Variants in NAA15 observed in about 807,000 individuals in gnomAD.
NAA15 encodes N-terminal acetyltransferase.
A neutral mutation model predicts 114.0 loss-of-function variants in NAA15; 34 were observed. The observed-to-expected ratio is 0.30, with a 90% confidence interval of 0.23 to 0.40. NAA15 has a LOEUF of 0.40. Ranked by LOEUF, NAA15 falls within the 10% of genes least tolerant of loss-of-function variation. The pLI is 1.00. For synonymous variants in NAA15, 340 were observed against 338.0 expected, an observed-to-expected ratio of 1.01 and a Z score of -0.06; for missense variants, 658 against 1,004.5, an observed-to-expected ratio of 0.66 and a Z score of 4.66.
intron 4 of NAA15, among the ~76,000 whole-genome samples, chr4:139,341,496 A>C (rs896722537): frequency 7.1e-6 from 1 of 141,466 alleles, no homozygotes; most frequent in African/African-American, 2.6e-5. Flanking sequence ...CAGGAGGCTG[A>C]GGCAGGAGAA....
At position 139,301,671 on chromosome 4, in the gene NAA15, A is replaced by G. The variant is rs1579071913; in HGVS notation, c.-107A>G. 3 of 1,311,408 alleles carry G rather than the reference A, an allele frequency of 2.3e-6. No homozygotes were observed. Among genetic ancestry groups the G allele is most frequent in the Non-Finnish European group, 3.1e-6 (3 of 953,662 alleles). 81.2% of individuals were successfully genotyped at this position (1,311,408 alleles called of 1,614,324 possible). On this transcript the variant is annotated 5_prime_UTR_variant, in exon 1 of 20. Transcript: ENST00000296543. ...ACCCGAGGCCTGGTGGTGGCGGCGG[A>G]TCGAGATATTCAAGGCTGAAGCAGC...
At chr4:139,372,155 A>G (rs899544128) in intron 15 of NAA15, among the ~76,000 whole-genome samples, 5 of 152,100 alleles carry the variant, frequency 3.3e-5, no homozygotes, top group Non-Finnish European at 7.4e-5. Context: ...TGACCTCATG[A>G]TCCTCCCGCC....
intron 1 of NAA15, among the ~76,000 whole-genome samples, chr4:139,319,607 G>T (rs958586435): frequency 6.6e-6 from 1 of 151,610 alleles, no homozygotes; most frequent in Non-Finnish European, 1.5e-5. Context: ...GGAGAATTGT[G>T]TATTTTTAGT....
chr4:139,348,702 G>T (rs997827433), intron 6 of NAA15, among the ~76,000 whole-genome samples: 1 of 152,146 alleles, frequency 6.6e-6, no homozygotes, highest in African/African-American at 2.4e-5. Flanking sequence ...TCTTCATCTG[G>T]CTTGTTTCCT....
rs542388720 is a variant in NAA15, at chr4:139,339,760, A to AAAC, written c.245-1134_245-1132dup. 3.1e-4 allele frequency among the ~76,000 whole-genome samples: 47 copies of AAAC among 151,992 alleles called. 1 individual carries two copies. Among genetic ancestry groups the AAAC allele is most frequent in the East Asian group, 1.2e-3 (6 of 5,176 alleles). On this transcript the variant is annotated intron_variant, in intron 3 of 19. Transcript: ENST00000296543. ...GCGAGACTCCATCTCAAAAACAAAC[A>AAAC]AACAACAACAACAACAACAAAAAAC...
At chr4:139,332,365 G>A (rs1454028811) in intron 1 of NAA15, among the ~76,000 whole-genome samples, 1 of 150,946 alleles carries the variant, frequency 6.6e-6, no homozygotes, top group Non-Finnish European at 1.5e-5. Flanking sequence ...TTCTGACCTC[G>A]TGATCTGCCC....
At chr4:139,309,820 T>TTCAGAAAAGCAGAC (rs1369903475) in intron 1 of NAA15, among the ~76,000 whole-genome samples, 1 of 152,192 alleles carries the variant, frequency 6.6e-6, no homozygotes, top group Non-Finnish European at 1.5e-5. Flanking sequence ...ACACTATATT[T>TTCAGAAAAGCAGAC]TCAGAAAAGC....
In NAA15 at chr4:139,325,745, C is replaced by G. The variant is rs373234493; in HGVS notation, c.55-8429C>G. On this transcript the variant is annotated intron_variant, in intron 1 of 19. Transcript: ENST00000296543. The stretch of plus-strand genomic sequence containing the variant: ...CTCACTGCAGCCTTGGACTCCTGGG[C>G]TCAAGCCGTCCTCCCATCTCAGGTT... 1.0e-3 allele frequency among the ~76,000 whole-genome samples: 158 copies of G among 152,314 alleles called. 4 individuals carry two copies. In the South Asian group the frequency reaches 0.032, roughly 31 times the overall value.
At chr4:139,324,784 A>G (rs971926693) in intron 1 of NAA15, among the ~76,000 whole-genome samples, 2 of 152,088 alleles carry the variant, frequency 1.3e-5, no homozygotes, top group Non-Finnish European at 2.9e-5. Flanking sequence ...TTTCCTTTCT[A>G]TTCTCCTTTG....
At chr4:139,371,741 A>T (rs904045470) in intron 15 of NAA15, among the ~76,000 whole-genome samples, 5 of 152,138 alleles carry the variant, frequency 3.3e-5, no homozygotes, top group African/African-American at 1.2e-4. Context: ...CATAGAACTT[A>T]AACTTTAGAC....
At position 139,388,479 on chromosome 4, in the gene NAA15, T is replaced by A. The variant is rs2111014528; in HGVS notation, c.*395T>A. ...ACTATATCTCAGACAGCATAAATGC[T>A]GTTTTAGCACTGGATTCTTTCACTG... On this transcript the variant is annotated 3_prime_UTR_variant, in exon 20 of 20. Transcript: ENST00000296543. The A allele has an allele frequency of 6.0e-6, 1 of 165,454 alleles. No homozygotes were observed. The highest frequency in any genetic ancestry group is 5.9e-5 in the Admixed American group (1 of 16,980). The allele number at this position is 165,454 out of a possible 1,614,324, so 10.2% of individuals were successfully genotyped here.
chr4:139,387,782 T>C, intron 19 of NAA15, 102 bp from the exon 20 acceptor site: 1 of 900,264 alleles, frequency 1.1e-6, no homozygotes, highest in Non-Finnish European at 1.7e-6. Context: ...TATGTGTATT[T>C]ATTTCTTATT....
chr4:139,341,446 T>C (rs1747384852), intron 4 of NAA15, among the ~76,000 whole-genome samples: 1 of 151,014 alleles, frequency 6.6e-6, no homozygotes, highest in South Asian at 2.1e-4. Context: ...ATACAAAAAA[T>C]TAGCTAGGCG....
chr4:139,372,805 C>G (rs549616126), intron 15 of NAA15, among the ~76,000 whole-genome samples: 2 of 149,588 alleles, frequency 1.3e-5, no homozygotes, highest in East Asian at 4.0e-4. Context: ...GTCACTAGTT[C>G]AGGATAATAT....
intron 3 of NAA15, among the ~76,000 whole-genome samples, 167 bp from the exon 4 acceptor site, chr4:139,340,745 C>T (rs1747356139): frequency 6.6e-6 from 1 of 152,182 alleles, no homozygotes; most frequent in African/African-American, 2.4e-5. Context: ...TGCTCTTTTC[C>T]ACTGTATTAA....
At chr4:139,306,096 CTT>C (rs1746002674) in intron 1 of NAA15, among the ~76,000 whole-genome samples, 2 of 152,050 alleles carry the variant, frequency 1.3e-5, no homozygotes, top group Non-Finnish European at 2.9e-5. Flanking sequence ...ATATTTTTCT[CTT>C]TTTTCCAATA....
intron 11 of NAA15, among the ~76,000 whole-genome samples, chr4:139,358,302 C>T (rs1168355428): frequency 6.6e-5 from 10 of 151,504 alleles, no homozygotes; most frequent in Admixed American, 6.6e-4. Flanking sequence ...AAGCAATTCT[C>T]ATGCCTCAGC....
intron 1 of NAA15, among the ~76,000 whole-genome samples, chr4:139,319,715 G>A (rs556516056): frequency 6.6e-6 from 1 of 152,312 alleles, no homozygotes; most frequent in Non-Finnish European, 1.5e-5. Flanking sequence ...TTGCAGGTGT[G>A]AGCCACCACA....
intron 11 of NAA15, among the ~76,000 whole-genome samples, chr4:139,358,206 A>T (rs1179473746): frequency 4.4e-5 from 6 of 136,622 alleles, no homozygotes; most frequent in Admixed American, 7.1e-5. Context: ...TTTTTTTTTG[A>T]GAGAGAGAAA....
Sources: allele counts gnomAD v4.1 joint callset (sites outside exome capture counted in the v4.1 genomes callset), GRCh38; gene constraint gnomAD v4.1.1; transcripts MANE v1.5; gene names NCBI Gene and HGNC (gene_info 2026-07-23, HGNC 2026-07-21).